COL22A1: variants seen among roughly 807,000 people sequenced by gnomAD.
COL22A1 encodes collagen alpha-1(XXII) chain.
Under a neutral mutation model 248.9 loss-of-function variants are expected in COL22A1, and 221 were observed. The ratio of observed to expected loss-of-function variants is 0.89; its 90% confidence interval spans 0.80 to 0.99. COL22A1 has a LOEUF of 0.99. Ranked by LOEUF, COL22A1 falls within the 50% of genes least tolerant of loss-of-function variation. The pLI is 0.00. For missense variants in COL22A1, 2,240 were observed against 2,179.0 expected (o/e 1.03, Z -0.56); for synonymous variants, 891 against 793.4 (o/e 1.12, Z -2.07).
In COL22A1 at chr8:138,685,223, C is replaced by T. The variant is rs1587856296; in HGVS notation, c.2952G>A (p.Gly984=). ...APGLPGPPGK[G]KDGEPGLRGS... ...TTCCACTTACCGGCTCTCCATCCTT[C>T]CCTTTTCCGGGTGGCCCAGGGAGCC... Residue 984 remains glycine (G), a synonymous_variant, in exon 38 of 65, where the codon GGG becomes GGA. Transcript: ENST00000303045. 1 of 1,612,818 alleles carries T rather than the reference C, an allele frequency of 6.2e-7. No homozygotes were observed. Among genetic ancestry groups the T allele is most frequent in the Non-Finnish European group, 8.5e-7 (1 of 1,179,012 alleles).
At chr8:138,709,216 G>C (rs1828741085) in intron 30 of COL22A1, among the ~76,000 whole-genome samples, 1 of 152,166 alleles carries the variant, frequency 6.6e-6, no homozygotes, top group Non-Finnish European at 1.5e-5. Context: ...CAACCATTGT[G>C]GAAGACAGTG....
At chr8:138,711,395 T>C (rs1389006415) in intron 30 of COL22A1, among the ~76,000 whole-genome samples, 1 of 152,230 alleles carries the variant, frequency 6.6e-6, no homozygotes, top group Non-Finnish European at 1.5e-5. Flanking sequence ...TATCACATAT[T>C]TCTCTGGAGG....
intron 54 of COL22A1, 146 bp from the exon 55 acceptor site, chr8:138,616,200 AG>A: frequency 1.4e-6 from 1 of 705,332 alleles, no homozygotes; most frequent in Admixed American, 2.3e-5. Context: ...CCCTGAGTTG[AG>A]GTCTGTGGCG....
At position 138,652,814 on chromosome 8, in the gene COL22A1, T is replaced by C. The variant is rs556899766; in HGVS notation, c.3334-3036A>G. Among the ~76,000 whole-genome samples the C allele has an allele frequency of 3.6e-3, 504 of 139,030 alleles. 2 individuals are homozygous for C. The highest frequency in any genetic ancestry group is 8.0e-3 in the Middle Eastern group (2 of 250). 91.2% of individuals were successfully genotyped at this position (139,030 alleles called of 152,430 possible). On this transcript the variant is annotated intron_variant, in intron 45 of 64. Coordinates refer to ENST00000303045, the MANE Select transcript of COL22A1 (RefSeq NM_152888.3). ...CAGCTTGGAGTGCAGTGGTGTGATCTAGGCTCACTGCAGCCTCCGCCTCCC... is the reference window on the plus strand; with the variant it reads ...CAGCTTGGAGTGCAGTGGTGTGATCCAGGCTCACTGCAGCCTCCGCCTCCC...
At chr8:138,779,031 T>C (rs1268459130) in intron 14 of COL22A1, among the ~76,000 whole-genome samples, 1 of 152,228 alleles carries the variant, frequency 6.6e-6, no homozygotes, top group Non-Finnish European at 1.5e-5. Context: ...AATAAAAATA[T>C]AGTAGATAAG....
At chr8:138,660,819 T>C (rs200786244) in intron 43 of COL22A1, among the ~76,000 whole-genome samples, 10 of 133,532 alleles carry the variant, frequency 7.5e-5, no homozygotes, top group South Asian at 2.3e-4. Flanking sequence ...CATACACACA[T>C]ACACACACAT....
chr8:138,665,962 C>A (rs1198101779), intron 41 of COL22A1, among the ~76,000 whole-genome samples: 1 of 151,396 alleles, frequency 6.6e-6, no homozygotes, highest in Non-Finnish European at 1.5e-5. Flanking sequence ...AGGAATTTCC[C>A]AGAATAATTG....
At chr8:138,705,283 A>T (rs200838186) in intron 30 of COL22A1, among the ~76,000 whole-genome samples, 1 of 152,162 alleles carries the variant, frequency 6.6e-6, no homozygotes, top group Non-Finnish European at 1.5e-5. Flanking sequence ...TACAGAGAAC[A>T]CCACAAAGAT....
At chr8:138,700,086 C>T in intron 32 of COL22A1, 26 bp downstream of exon 32, 2 of 1,611,578 alleles carry the variant, frequency 1.2e-6, no homozygotes, top group Non-Finnish European at 1.7e-6. Flanking sequence ...GCACACTGGG[C>T]ACCCCGAGGC....
At chr8:138,639,737 T>C (rs1018542331) in intron 47 of COL22A1, among the ~76,000 whole-genome samples, 1 of 152,206 alleles carries the variant, frequency 6.6e-6, no homozygotes, top group Non-Finnish European at 1.5e-5. Context: ...AACTCAGCAA[T>C]GTCTTTCTGA....
At chr8:138,596,769 A>G (rs1817567048) in intron 62 of COL22A1, 135 bp downstream of exon 62, 4 of 761,068 alleles carry the variant, frequency 5.3e-6, no homozygotes, top group Non-Finnish European at 9.1e-6. Flanking sequence ...GGCATTCCCC[A>G]ACCCTGATAG....
At chr8:138,894,239 A>ACATGTATGTGAGTGG (rs1462139165) in intron 1 of COL22A1, among the ~76,000 whole-genome samples, 2 of 152,158 alleles carry the variant, frequency 1.3e-5, no homozygotes, top group Non-Finnish European at 2.9e-5. Context: ...GTGGATGTTT[A>ACATGTATGTGAGTGG]CATGTATGTG....
intron 7 of COL22A1, among the ~76,000 whole-genome samples, chr8:138,816,282 G>A (rs1055338830): frequency 3.9e-5 from 6 of 152,226 alleles, no homozygotes; most frequent in East Asian, 3.9e-4. Context: ...GCCCCTTTCC[G>A]ATTGCCTGAA....
chr8:138,752,905 G>A (rs1399608656), intron 21 of COL22A1, among the ~76,000 whole-genome samples: 1 of 152,224 alleles, frequency 6.6e-6, no homozygotes, highest in African/African-American at 2.4e-5. Context: ...CAAAAGCAGA[G>A]AGAAGTGACA....
chr8:138,893,319 T>C (rs1825193196), intron 1 of COL22A1, among the ~76,000 whole-genome samples: 3 of 152,258 alleles, frequency 2.0e-5, no homozygotes. Context: ...ATTCCAATTA[T>C]GCTGCTTACT....
chr8:138,806,849 T>C (rs1817770531), intron 10 of COL22A1, among the ~76,000 whole-genome samples: 1 of 152,056 alleles, frequency 6.6e-6, no homozygotes, highest in Non-Finnish European at 1.5e-5. Context: ...GGATGGAAGA[T>C]GGGAAAGAAG....
chr8:138,762,881 TC>T (rs1461876808), intron 16 of COL22A1, among the ~76,000 whole-genome samples: 1 of 152,120 alleles, frequency 6.6e-6, no homozygotes, highest in East Asian at 1.9e-4. Flanking sequence ...ATGCACCACA[TC>T]CCCAGCACTC....
intron 5 of COL22A1, chr8:138,827,069 C>T (rs1819645096): frequency 2.5e-6 from 1 of 394,644 alleles, no homozygotes; most frequent in South Asian, 2.8e-5. Context: ...CTGATGACAT[C>T]CACAGTAAAC....
chr8:138,879,286 C>T (rs997144199), intron 2 of COL22A1, among the ~76,000 whole-genome samples: 1 of 152,098 alleles, frequency 6.6e-6, no homozygotes, highest in Admixed American at 6.5e-5. Context: ...ATTTAGCAAG[C>T]GCTCTCCTGT....
Sources: gnomAD v4.1 joint callset for allele counts (sites outside exome capture counted in the v4.1 genomes callset) on GRCh38, gnomAD v4.1.1 for gene constraint, MANE v1.5 for transcripts, NCBI Gene and HGNC (gene_info 2026-07-23, HGNC 2026-07-21) for gene names.